Variants in KLRG1 observed in about 807,000 individuals in gnomAD.
KLRG1 encodes the protein killer cell lectin like receptor G1, also known as killer cell lectin-like receptor subfamily G member 1.
Under a neutral mutation model 21.8 loss-of-function variants are expected in KLRG1, and 16 were observed. That is an observed-to-expected ratio of 0.73 (90% CI 0.50 to 1.11). KLRG1 has a LOEUF of 1.11. Among genes scored for constraint, KLRG1 ranks in the 50% most tolerant of loss-of-function variants. The pLI, the probability that KLRG1 is intolerant of heterozygous loss-of-function variation, is 0.00. For synonymous variants in KLRG1, 69 were observed against 75.9 expected (o/e 0.91, Z 0.47); for missense variants, 173 against 218.3 (o/e 0.79, Z 1.31).
chr12:9,209,933 T>C, the KLRG1 span, among the ~76,000 whole-genome samples: 5 of 152,288 alleles, frequency 3.3e-5, no homozygotes, highest in African/African-American at 1.2e-4. Context: ...CATTCTATTG[T>C]ATGAATGTGG....
At chr12:9,122,348 A>G in the KLRG1 span, among the ~76,000 whole-genome samples, 1 of 152,188 alleles carries the variant, frequency 6.6e-6, no homozygotes, top group African/African-American at 2.4e-5. Context: ...TGTTCACTGT[A>G]GTGCTCATGT....
At chr12:9,091,092 A>G in the KLRG1 span, 2 of 1,306,548 alleles carry the variant, frequency 1.5e-6, no homozygotes, top group Admixed American at 2.4e-5. Context: ...ACAATCATGA[A>G]TATCTAGTAA....
chr12:9,026,888 C>CT, the KLRG1 span, among the ~76,000 whole-genome samples: 50 of 152,016 alleles, frequency 3.3e-4, 1 homozygote, highest in African/African-American at 1.1e-3. Context: ...CAGGTGCTCA[C>CT]TTTTTTGCCC....
the KLRG1 span, chr12:9,161,113 G>A: frequency 6.4e-7 from 1 of 1,572,488 alleles, no homozygotes; most frequent in Non-Finnish European, 8.7e-7. Flanking sequence ...AGACACATTA[G>A]CACCTTTAGA....
At chr12:9,068,322 G>T in the KLRG1 span, 3 of 1,259,942 alleles carry the variant, frequency 2.4e-6, no homozygotes, top group Non-Finnish European at 3.3e-6. Context: ...GGAGTTTGTT[G>T]TGGGAAGAAC....
At chr12:9,117,809 A>ATT in the KLRG1 span, among the ~76,000 whole-genome samples, 58 of 152,328 alleles carry the variant, frequency 3.8e-4, no homozygotes, top group African/African-American at 1.3e-3. Flanking sequence ...TTAATAGTGT[A>ATT]TTTTATTTAA....
At position 8,993,253 on chromosome 12, in the gene KLRG1, G is replaced by A. The variant is rs746657801; in HGVS notation, c.187+943G>A. 5.9e-5 allele frequency among the ~76,000 whole-genome samples: 9 copies of A among 151,986 alleles called. No homozygotes were observed. The South Asian group carries it at 1.5e-3, about 25-fold the overall frequency. On this transcript the variant is annotated intron_variant, in intron 2 of 4. Transcript: ENST00000356986. ...ATATTTTTAGGGGATGATAGTGACC[G>A]ATTACACAGAAGTGATTTATTAGGG...
chr12:9,145,228 C>T, the KLRG1 span, among the ~76,000 whole-genome samples: 4 of 152,160 alleles, frequency 2.6e-5, no homozygotes, highest in Admixed American at 2.6e-4. Flanking sequence ...TTATGTTAGC[C>T]TTGTAATTAT....
At chr12:9,079,409 G>A in the KLRG1 span, 1 of 1,401,506 alleles carries the variant, frequency 7.1e-7, no homozygotes, top group South Asian at 1.2e-5. Flanking sequence ...AAAGTACCTT[G>A]GCTTCTCTTG....
At chr12:9,153,540 A>G in the KLRG1 span, among the ~76,000 whole-genome samples, 1 of 152,242 alleles carries the variant, frequency 6.6e-6, no homozygotes, top group Admixed American at 6.5e-5. Flanking sequence ...AATGAAATAA[A>G]AGGCTAATAA....
chr12:8,975,157 C>T (rs1946638046), intron 1 of KLRG1, among the ~76,000 whole-genome samples: 1 of 152,138 alleles, frequency 6.6e-6, no homozygotes, highest in African/African-American at 2.4e-5. Flanking sequence ...GCCTCGGCCT[C>T]CCAAAGTGCT....
chr12:8,966,266 A>G (rs1946470002), intron 1 of KLRG1, among the ~76,000 whole-genome samples: 1 of 152,218 alleles, frequency 6.6e-6, no homozygotes, highest in Non-Finnish European at 1.5e-5. Context: ...ACCATTCAGG[A>G]CATAGGCATG....
the KLRG1 span, among the ~76,000 whole-genome samples, chr12:9,074,315 G>T: frequency 6.6e-6 from 1 of 152,170 alleles, no homozygotes; most frequent in Non-Finnish European, 1.5e-5. Flanking sequence ...GGAAGGCAGT[G>T]TTGTTATGGG....
the KLRG1 span, among the ~76,000 whole-genome samples, chr12:9,140,575 ATTTGTTACCTAGGCC>A: frequency 6.6e-6 from 1 of 152,234 alleles, no homozygotes; most frequent in African/African-American, 2.4e-5. Flanking sequence ...AAGAATAATT[ATTTGTTACCTAGGCC>A]TTTTAAACTG....
chr12:8,971,680 G>A (rs778232452), intron 1 of KLRG1, among the ~76,000 whole-genome samples: 2 of 151,628 alleles, frequency 1.3e-5, no homozygotes, highest in South Asian at 2.1e-4. Flanking sequence ...CAGTAGAGAC[G>A]GGGTTTCACC....
chr12:9,076,678 G>T, the KLRG1 span: 2 of 1,363,664 alleles, frequency 1.5e-6, no homozygotes, highest in Non-Finnish European at 2.1e-6. Context: ...ATCACAGGAG[G>T]TAGGAGTGAG....
chr12:9,163,037 G>A, the KLRG1 span, among the ~76,000 whole-genome samples: 2 of 152,070 alleles, frequency 1.3e-5, no homozygotes, highest in East Asian at 1.9e-4. Flanking sequence ...CATCCTACTT[G>A]TTATTGAATT....
chr12:8,968,984 A>G (rs999772303), intron 1 of KLRG1, among the ~76,000 whole-genome samples: 15 of 152,224 alleles, frequency 9.9e-5, no homozygotes, highest in Non-Finnish European at 7.3e-5. Context: ...AAATTTTAGC[A>G]TTATGCTAAA....
downstream of KLRG1, among the ~76,000 whole-genome samples, chr12:9,012,339 C>T (rs1947643534): frequency 6.6e-6 from 1 of 152,066 alleles, no homozygotes; most frequent in Non-Finnish European, 1.5e-5. Context: ...ATTCTGGGAC[C>T]TAGTTTCTGG....
Sources: allele counts gnomAD v4.1 joint callset (sites outside exome capture counted in the v4.1 genomes callset), GRCh38; gene constraint gnomAD v4.1.1; transcripts MANE v1.5; gene names NCBI Gene and HGNC (gene_info 2026-07-23, HGNC 2026-07-21).